MSI2: variants seen among roughly 807,000 people sequenced by gnomAD.
MSI2 encodes the protein musashi RNA binding protein 2.
MSI2 carries 17 observed loss-of-function variants against 45.6 expected under a neutral mutation model. The observed-to-expected ratio is 0.37, with a 90% CI of 0.26 to 0.56. The LOEUF is 0.56. Ranked by LOEUF, MSI2 falls within the 20% of genes least tolerant of loss-of-function variation. The pLI, the probability that MSI2 is intolerant of heterozygous loss-of-function variation, is 0.77. For missense variants in MSI2, 293 were observed against 444.2 expected (o/e 0.66, Z 3.06); for synonymous variants, 156 against 158.2 (o/e 0.99, Z 0.11).
intron 7 of MSI2, among the ~76,000 whole-genome samples, chr17:57,548,856 G>T (rs1156827148): frequency 6.6e-6 from 1 of 151,434 alleles, no homozygotes; most frequent in East Asian, 1.9e-4. Flanking sequence ...TTTTGTGTGT[G>T]TTCACCTCTT....
chr17:57,511,097 C>T (rs768749862), intron 6 of MSI2, among the ~76,000 whole-genome samples: 5 of 152,230 alleles, frequency 3.3e-5, no homozygotes, highest in Admixed American at 2.6e-4. Flanking sequence ...GCAGGGACAG[C>T]GATTTATGCT....
rs77936577 is a variant in MSI2, at chr17:57,404,013, A to G, written c.405+2542A>G. 2.3e-3 allele frequency among the ~76,000 whole-genome samples: 357 copies of G among 152,296 alleles called. 3 individuals are homozygous for G. Among genetic ancestry groups the G allele is most frequent in the African/African-American group, 8.2e-3 (341 of 41,558 alleles). On this transcript the variant is annotated intron_variant, in intron 6 of 13. Transcript: ENST00000284073. ...ATGTGTACACCCCCTGTGCACACAC[A>G]TTTCTAACTGTATGAAATTGTTTTT...
rs33917812 is a variant in MSI2, at chr17:57,549,312, C to CTTTT, written c.454+19604_454+19607dup. Among the ~76,000 whole-genome samples, 336 of 124,230 alleles carry CTTTT rather than the reference C, an allele frequency of 2.7e-3. 2 individuals are homozygous for CTTTT. The highest frequency in any genetic ancestry group is 9.1e-3 in the African/African-American group (296 of 32,580). 81.5% of individuals were successfully genotyped at this position (124,230 alleles called of 152,430 possible). A position where few individuals can be genotyped will look rare whatever the true frequency, so the allele number is the denominator to read the frequency against. On this transcript the variant is annotated intron_variant, in intron 7 of 13. Transcript: ENST00000284073. ...AAAACAAGCCCACCTCCCCACTGCC[C>CTTTT]TTTTTTTTTTTTTTTTTTTGCAACA...
At chr17:57,350,759 T>C (rs1019489655) in intron 5 of MSI2, among the ~76,000 whole-genome samples, 16 of 152,210 alleles carry the variant, frequency 1.1e-4, no homozygotes, top group African/African-American at 3.9e-4. Flanking sequence ...CCTGCTAGGC[T>C]GTGCTCCTCT....
At chr17:57,610,120 C>A (rs959071624) in intron 8 of MSI2, among the ~76,000 whole-genome samples, 1 of 152,060 alleles carries the variant, frequency 6.6e-6, no homozygotes, top group Non-Finnish European at 1.5e-5. Context: ...AAAATGCCCT[C>A]ATGTTTATGA....
intron 11 of MSI2, among the ~76,000 whole-genome samples, chr17:57,654,610 C>T (rs1911449241): frequency 6.6e-6 from 1 of 152,180 alleles, no homozygotes; most frequent in African/African-American, 2.4e-5. Context: ...GTTTCACCTT[C>T]CCCAGCTCCT....
In MSI2 at chr17:57,679,674, G is replaced by A. The variant is rs2144764474; in HGVS notation, c.*157G>A. On this transcript the variant is annotated 3_prime_UTR_variant, in exon 14 of 14. Coordinates refer to ENST00000284073, the MANE Select transcript of MSI2 (RefSeq NM_138962.4). ...TCCCAACCAGAGATGGCTCACTTCGGATCGAGGGTTGACTACATCTCATCA... is the reference window on the plus strand; with the variant it reads ...TCCCAACCAGAGATGGCTCACTTCGAATCGAGGGTTGACTACATCTCATCA... The A allele has an allele frequency of 4.2e-6, 4 of 960,624 alleles. No homozygotes were observed. The East Asian group carries it at 1.5e-4, about 37-fold the overall frequency. The allele number at this position is 960,624 out of a possible 1,614,324, so 59.5% of individuals were successfully genotyped here. A position where few individuals can be genotyped will look rare whatever the true frequency, so the allele number is the denominator to read the frequency against.
At chr17:57,361,898 A>G (rs1325957584) in intron 5 of MSI2, among the ~76,000 whole-genome samples, 2 of 152,196 alleles carry the variant, frequency 1.3e-5, no homozygotes, top group East Asian at 3.9e-4. Context: ...CATTTTATAT[A>G]TGTGTATGGT....
chr17:57,421,635 G>A (rs558931003), intron 6 of MSI2, among the ~76,000 whole-genome samples: 11 of 152,196 alleles, frequency 7.2e-5, no homozygotes, highest in African/African-American at 2.6e-4. Context: ...ATAATCCCAA[G>A]ACTTTGGAAG....
intron 9 of MSI2, among the ~76,000 whole-genome samples, chr17:57,622,349 T>C (rs981606336): frequency 7.9e-5 from 12 of 152,214 alleles, no homozygotes; most frequent in African/African-American, 2.9e-4. Flanking sequence ...AGCAAACACA[T>C]GATGATTGTT....
rs1911454164 is a variant in MSI2 at position 57,654,695 on chromosome 17, A to G, written c.790+2534A>G. The stretch of plus-strand genomic sequence containing the variant: ...ACTACTGCAGGTCAGCATGAACTCA[A>G]CTGCATTCCCTTATAGGGAGACACA... On this transcript the variant is annotated intron_variant, in intron 11 of 13. Transcript: ENST00000284073. 2.6e-5 allele frequency among the ~76,000 whole-genome samples: 4 copies of G among 152,080 alleles called. No individual in the cohort carries two copies. The South Asian group carries it at 8.3e-4, about 32-fold the overall frequency.
In MSI2 at chr17:57,407,172, T is replaced by G. The variant is rs1193141993; in HGVS notation, c.405+5701T>G. 1 of 152,106 alleles carries G rather than the reference T, an allele frequency of 6.6e-6. No individual in the cohort carries two copies. Among genetic ancestry groups the G allele is most frequent in the Non-Finnish European group, 1.5e-5 (1 of 68,020 alleles). 9.4% of individuals were successfully genotyped at this position (152,106 alleles called of 1,614,324 possible). On this transcript the variant is annotated intron_variant, in intron 6 of 13. Coordinates refer to ENST00000284073, the MANE Select transcript of MSI2 (RefSeq NM_138962.4). This position sits in a 1 kb window ranked among gnomAD's most constrained non-coding sequence, Gnocchi z 4.1. ...AAAAAAGAAAACAAGAGTGAATTGT[T>G]TTTTTTAATGTAATGAGACCTTCCC...
chr17:57,638,578 A>C (rs1190774903), intron 10 of MSI2, among the ~76,000 whole-genome samples: 1 of 152,200 alleles, frequency 6.6e-6, no homozygotes, highest in African/African-American at 2.4e-5. Context: ...AGAACACCAT[A>C]GAGTGAGTTG....
At chr17:57,695,652 G>T in the MSI2 span, among the ~76,000 whole-genome samples, 2 of 152,126 alleles carry the variant, frequency 1.3e-5, no homozygotes, top group African/African-American at 4.8e-5. Flanking sequence ...TTAACATAAG[G>T]ACTCGATTAA....
At chr17:57,689,656 T>A (rs990782316), downstream of MSI2, among the ~76,000 whole-genome samples, 2 of 152,232 alleles carry the variant, frequency 1.3e-5, no homozygotes, top group African/African-American at 4.8e-5. Flanking sequence ...AGAGAACCTT[T>A]CCATCACTTC....
chr17:57,356,142 TG>T (rs1305497125), intron 5 of MSI2, among the ~76,000 whole-genome samples: 4 of 152,224 alleles, frequency 2.6e-5, no homozygotes, highest in Non-Finnish European at 4.4e-5. Context: ...CCCAAAGTGC[TG>T]GGATTACAGG....
At chr17:57,536,392 G>A (rs1216682517) in intron 7 of MSI2, among the ~76,000 whole-genome samples, 2 of 152,232 alleles carry the variant, frequency 1.3e-5, no homozygotes, top group African/African-American at 4.8e-5. Flanking sequence ...TAGAAAGTAT[G>A]ATAAGGATGT....
the MSI2 span, among the ~76,000 whole-genome samples, chr17:57,692,218 T>C: frequency 6.6e-6 from 1 of 152,208 alleles, no homozygotes; most frequent in East Asian, 1.9e-4. Context: ...CATGATATAT[T>C]ATCCTTTTTA....
intron 8 of MSI2, 65 bp downstream of exon 8, chr17:57,597,015 C>CA: frequency 8.6e-7 from 1 of 1,164,784 alleles, no homozygotes; most frequent in Non-Finnish European, 1.3e-6. Context: ...CCCAGTCTTG[C>CA]AGACTGGTCC....
Sources: gnomAD v4.1 joint callset for allele counts (sites outside exome capture counted in the v4.1 genomes callset) on GRCh38, gnomAD v4.1.1 for gene constraint, Gnocchi (gnomAD v3.1) non-coding constraint, MANE v1.5 for transcripts, NCBI Gene and HGNC (gene_info 2026-07-23, HGNC 2026-07-21) for gene names.